The following ZNF385C variants were observed in gnomAD, a reference collection of about 807,000 sequenced individuals.
ZNF385C encodes zinc finger protein 385C.
A neutral mutation model predicts 35.4 loss-of-function variants in ZNF385C; 28 were observed. The ratio of observed to expected loss-of-function variants is 0.79; its 90% CI spans 0.59 to 1.08. ZNF385C has a LOEUF of 1.08. Among genes scored for constraint, ZNF385C ranks in the 50% least tolerant of loss-of-function variants. ZNF385C has a pLI of 0.00. For synonymous variants in ZNF385C, 248 were observed against 248.2 expected (o/e 1.00, Z 0.01); for missense variants, 605 against 595.6 (o/e 1.02, Z -0.16).
intron 1 of ZNF385C, among the ~76,000 whole-genome samples, chr17:42,093,926 C>G (rs1051376144): frequency 6.6e-6 from 1 of 151,736 alleles, no homozygotes; most frequent in African/African-American, 2.4e-5. Context: ...TTCCTGCCGC[C>G]TTGCCTGGCA....
At position 42,059,306 on chromosome 17, in the gene ZNF385C, C is replaced by T. The variant is rs146605713; in HGVS notation, c.250+3501G>A. Reference sequence around the variant, plus strand: ...GACTGTGAGTGCCCAGAGGCAGGTACCAGGCACTGCTCAGTGGTACTGCCC... The same window carrying T: ...GACTGTGAGTGCCCAGAGGCAGGTATCAGGCACTGCTCAGTGGTACTGCCC... On this transcript the variant is annotated intron_variant, in intron 2 of 8. Transcript: ENST00000692273. 3.9e-4 allele frequency among the ~76,000 whole-genome samples: 60 copies of T among 152,350 alleles called. No homozygotes were observed. In the East Asian group the frequency reaches 8.7e-3, roughly 22 times the overall value.
intron 1 of ZNF385C, among the ~76,000 whole-genome samples, chr17:42,098,100 G>A (rs2053935763): frequency 6.6e-6 from 1 of 152,264 alleles, no homozygotes; most frequent in East Asian, 1.9e-4. Flanking sequence ...CCGGACCCCC[G>A]TCCTCACCAT....
chr17:42,044,907 G>T (rs1555656478), intron 2 of ZNF385C, among the ~76,000 whole-genome samples: 4 of 137,772 alleles, frequency 2.9e-5, no homozygotes, highest in Admixed American at 1.7e-4. Context: ...GCCAAAACCT[G>T]CCAACTCTAC....
chr17:42,041,303 T>C (rs1046897108), intron 2 of ZNF385C: 8 of 923,368 alleles, frequency 8.7e-6, no homozygotes, highest in African/African-American at 1.7e-5. Context: ...TTAGACAGAC[T>C]TAGGGACTAA....
chr17:42,031,636 C>G lies in ZNF385C; in HGVS notation c.659G>C (p.Gly220Ala), dbSNP rs1043398905. 1 of 1,550,602 alleles carries G rather than the reference C, an allele frequency of 6.4e-7. No homozygotes were observed. Residue 220 changes from glycine to alanine, a missense_variant, in exon 5 of 9, where the codon GGA becomes GCA. Coordinates refer to ENST00000692273, the MANE Select transcript of ZNF385C (RefSeq NM_001392013.1). The stretch of plus-strand genomic sequence containing the variant: ...GGACTGACCTTTACTCTGTGGCTCT[C>G]CAGGGGCTCCACTGGCCAGCGTTGG... ...PIPTLASGAP[G>A]EPQSKVPAAP... is the part of the protein sequence containing the mutation.
chr17:42,061,554 T>C (rs1598196531), intron 2 of ZNF385C: 2 of 152,296 alleles, frequency 1.3e-5, no homozygotes, highest in Admixed American at 6.6e-5. Flanking sequence ...CAGACACATA[T>C]GCTCCAGAAA....
intron 2 of ZNF385C, among the ~76,000 whole-genome samples, chr17:42,060,969 G>GCA (rs1555657965): frequency 6.6e-6 from 1 of 151,896 alleles, no homozygotes; most frequent in Non-Finnish European, 1.5e-5. Flanking sequence ...CCCGCTTTGG[G>GCA]GTCCCAAAGT....
intron 2 of ZNF385C, among the ~76,000 whole-genome samples, chr17:42,049,981 G>T (rs1555656964): frequency 6.6e-6 from 1 of 152,208 alleles, no homozygotes; most frequent in Admixed American, 6.5e-5. Context: ...GGACAGAGCT[G>T]CTATAAACAG....
At chr17:42,066,596 AC>A (rs1177817471) in intron 1 of ZNF385C, among the ~76,000 whole-genome samples, 3 of 152,202 alleles carry the variant, frequency 2.0e-5, no homozygotes, top group African/African-American at 7.2e-5. Context: ...TCTGAGACTC[AC>A]TATGTGATAT....
chr17:42,054,458 C>G (rs1555657382), intron 2 of ZNF385C, among the ~76,000 whole-genome samples: 2 of 152,164 alleles, frequency 1.3e-5, no homozygotes, highest in African/African-American at 2.4e-5. Flanking sequence ...ACTGGCCATG[C>G]AGGGTTTGGG....
At chr17:42,035,542 CTTTT>C (rs67173303) in intron 3 of ZNF385C, among the ~76,000 whole-genome samples, 3 of 105,598 alleles carry the variant, frequency 2.8e-5, no homozygotes, top group Non-Finnish European at 5.6e-5. Flanking sequence ...TGCTGACGAC[CTTTT>C]TTTTTTTTTT....
chr17:42,044,490 C>T (rs1374619083), intron 2 of ZNF385C, among the ~76,000 whole-genome samples: 2 of 151,682 alleles, frequency 1.3e-5, no homozygotes, highest in African/African-American at 2.4e-5. Flanking sequence ...GTGGCACATG[C>T]CTGTAATCCC....
At position 42,095,335 on chromosome 17, in the gene ZNF385C, G is replaced by T. The variant is rs782288590; in HGVS notation, c.-3+3075C>A. Among the ~76,000 whole-genome samples the T allele has an allele frequency of 1.3e-5, 2 of 152,150 alleles. No homozygotes were observed. Among genetic ancestry groups the T allele is most frequent in the Non-Finnish European group, 2.9e-5 (2 of 68,022 alleles). ...CGCCGCCTGGCCAGCTGACCCCACAGTCTCCCCTGTCCCAAGCCCAAACTC... is the reference window on the plus strand; with the variant it reads ...CGCCGCCTGGCCAGCTGACCCCACATTCTCCCCTGTCCCAAGCCCAAACTC... On this transcript the variant is annotated intron_variant, in intron 1 of 8. Transcript: ENST00000692273. The surrounding 1 kb of genome is among the most constrained non-coding windows in gnomAD (Gnocchi z 4.4).
chr17:42,072,467 G>A (rs1317951952), intron 1 of ZNF385C, among the ~76,000 whole-genome samples: 1 of 152,124 alleles, frequency 6.6e-6, no homozygotes, highest in African/African-American at 2.4e-5. Flanking sequence ...TGCTGAGCAC[G>A]CGGCGGGCCC....
rs1397132669 is a variant in ZNF385C, at chr17:42,087,997, G to A, written c.-3+10413C>T. On this transcript the variant is annotated intron_variant, in intron 1 of 8. Coordinates refer to ENST00000692273, the MANE Select transcript of ZNF385C (RefSeq NM_001392013.1). ...TGTAGGCCATGCTCTATAGTCCTCC[G>A]TAAGACTTCTAAATAAAACTAACTT... is the stretch of plus-strand genomic sequence containing the variant. Among the ~76,000 whole-genome samples, 18 of 152,110 alleles carry A rather than the reference G, an allele frequency of 1.2e-4. 1 individual carries two copies. Among genetic ancestry groups the A allele is most frequent in the South Asian group, 1.0e-3 (5 of 4,824 alleles).
chr17:42,096,964 C>T (rs1276795089), intron 1 of ZNF385C, among the ~76,000 whole-genome samples: 3 of 146,424 alleles, frequency 2.0e-5, no homozygotes, highest in Non-Finnish European at 4.5e-5. Flanking sequence ...CTCTTTCTAG[C>T]CAAGCTTAGC....
chr17:42,060,316 G>A (rs1406991292), intron 2 of ZNF385C, among the ~76,000 whole-genome samples: 1 of 152,014 alleles, frequency 6.6e-6, no homozygotes, highest in African/African-American at 2.4e-5. Flanking sequence ...ATGTACCCTC[G>A]AGCCAGAGAC....
intron 2 of ZNF385C, among the ~76,000 whole-genome samples, chr17:42,046,974 C>T (rs911443336): frequency 4.6e-5 from 7 of 150,970 alleles, no homozygotes; most frequent in African/African-American, 1.2e-4. Flanking sequence ...GCGATTCTCC[C>T]GCCTCAGCCT....
At chr17:42,042,992 C>T (rs535372630) in intron 2 of ZNF385C, 1 of 1,232,404 alleles carries the variant, frequency 8.1e-7, no homozygotes, top group African/African-American at 1.5e-5. Context: ...AGCACAGCCA[C>T]TTTGGCCGGG....
Sources: allele counts gnomAD v4.1 joint callset (sites outside exome capture counted in the v4.1 genomes callset), GRCh38; gene constraint gnomAD v4.1.1; non-coding constraint Gnocchi (gnomAD v3.1); transcripts MANE v1.5; gene names NCBI Gene and HGNC (gene_info 2026-07-23, HGNC 2026-07-21).